Variants in SULT6B1 observed in about 807,000 individuals in gnomAD.
SULT6B1 encodes sulfotransferase 6B1.
In SULT6B1, 44 loss-of-function variants were observed where a neutral mutation model predicts 37.2. The ratio of observed to expected loss-of-function variants is 1.18; its 90% CI spans 0.93 to 1.52. The LOEUF is 1.52. SULT6B1 is among the 40% of genes most tolerant of loss of function. The pLI is 0.00. For missense variants in SULT6B1, 450 were observed against 361.0 expected (o/e 1.25, Z -2.00); for synonymous variants, 140 against 126.0 (o/e 1.11, Z -0.74).
chr2:37,174,227 C>CTTT (rs35100458), intron 5 of SULT6B1, among the ~76,000 whole-genome samples: 108 of 58,366 alleles, frequency 1.9e-3, no homozygotes, highest in East Asian at 3.5e-3. Flanking sequence ...TCTTCCTATT[C>CTTT]TTTTTTTTTT....
chr2:37,183,146 CTAAA>C (rs1407675417), intron 3 of SULT6B1, among the ~76,000 whole-genome samples: 1 of 152,148 alleles, frequency 6.6e-6, no homozygotes, highest in African/African-American at 2.4e-5. Context: ...ATGAAACACT[CTAAA>C]TATTCTATCA....
At chr2:37,174,112 T>C (rs1676362612) in intron 5 of SULT6B1, among the ~76,000 whole-genome samples, 1 of 152,074 alleles carries the variant, frequency 6.6e-6, no homozygotes, top group Admixed American at 6.6e-5. Context: ...CTCCAGTTGA[T>C]TCCCTCTGCC....
At chr2:37,196,061 T>C (rs1054025812) in intron 1 of SULT6B1, 1 of 152,206 alleles carries the variant, frequency 6.6e-6, no homozygotes, top group East Asian at 1.9e-4. Flanking sequence ...TCTCCTGATG[T>C]CGTGATCCTC....
upstream of SULT6B1, chr2:37,191,193 A>T (rs1480723207): frequency 6.8e-6 from 1 of 148,002 alleles, no homozygotes; most frequent in African/African-American, 2.5e-5. Context: ...AATTGTTAGT[A>T]CCAGTGAATT....
chr2:37,192,744 TG>T (rs1213037153), upstream of SULT6B1, among the ~76,000 whole-genome samples: 1 of 152,228 alleles, frequency 6.6e-6, no homozygotes, highest in Non-Finnish European at 1.5e-5. Flanking sequence ...TGCTTCTTAG[TG>T]AGTAAAAAAC....
At chr2:37,176,605 A>T (rs925638625) in intron 4 of SULT6B1, among the ~76,000 whole-genome samples, 3 of 152,084 alleles carry the variant, frequency 2.0e-5, no homozygotes, top group Non-Finnish European at 4.4e-5. Flanking sequence ...TATTATCATG[A>T]TCATTGTTAT....
upstream of SULT6B1, among the ~76,000 whole-genome samples, chr2:37,193,305 A>AAG (rs1413224851): frequency 1.3e-5 from 2 of 150,788 alleles, no homozygotes; most frequent in East Asian, 2.0e-4. Flanking sequence ...AAAAAAAAAA[A>AAG]AAAAAAAATT....
At position 37,175,230 on chromosome 2, in the gene SULT6B1, A is replaced by G. The variant is rs11569758; in HGVS notation, c.530-4T>C. ...TCAAAATACCTTCCCCAAGAAACTA[A>G]AAACACAGGGGGGAAGACTTTAAGA... On this transcript the variant is annotated splice_polypyrimidine_tract_variant and splice_region_variant and intron_variant, in intron 4 of 6. Transcript: ENST00000535679. The G allele has an allele frequency of 0.33, 509,752 of 1,547,880 alleles. 87,725 individuals carry two copies. The highest frequency in any genetic ancestry group is 0.35 in the Non-Finnish European group (402,607 of 1,137,916).
chr2:37,183,661 T>A lies in SULT6B1; in HGVS notation c.313-147A>T, dbSNP rs969868749. On this transcript the variant is annotated intron_variant, in intron 2 of 6. Coordinates refer to ENST00000535679, the MANE Select transcript of SULT6B1 (RefSeq NM_001367551.1). ...TCCTCCTCCTCCAATTTTTCTTTTT[T>A]GAAACAGAGTCTCACTCTGTCGCCC... 4.8e-6 allele frequency: 3 copies of A among 624,252 alleles called. No individual in the cohort carries two copies. The African/African-American group carries it at 5.5e-5, about 11-fold the overall frequency. The allele number at this position is 624,252 out of a possible 1,614,324, so 38.7% of individuals were successfully genotyped here. A position where few individuals can be genotyped will look rare whatever the true frequency, so the allele number is the denominator to read the frequency against.
intron 2 of SULT6B1, 67 bp downstream of exon 2, chr2:37,187,288 A>T: frequency 7.4e-6 from 8 of 1,085,840 alleles, no homozygotes; most frequent in South Asian, 1.4e-5. Flanking sequence ...AAAACTAAAG[A>T]ATCTCCAAAC....
chr2:37,179,511 A>G lies in SULT6B1; in HGVS notation c.476T>C (p.Ile159Thr), dbSNP rs761761856. The G allele has an allele frequency of 1.2e-6, 2 of 1,614,096 alleles. No homozygotes were observed. The highest frequency in any genetic ancestry group is 1.7e-6 in the Non-Finnish European group (2 of 1,180,000). Residue 159 changes from isoleucine to threonine, a missense_variant, in exon 4 of 7, where the codon ATT (isoleucine) becomes ACT (threonine). Physicochemically the swap from Ile to Thr is moderately conservative, Grantham distance 89. Coordinates refer to ENST00000535679, the MANE Select transcript of SULT6B1 (RefSeq NM_001367551.1). ...FLHFHNDVPD[I>T]PSYGSWDEFF... is the part of the protein sequence containing the mutation. ...TTCATCCCAAGAGCCATAGCTTGGA[A>G]TATCGGGGACATCGTTGTGGAAATG...
At chr2:37,193,655 A>AAGAAGAAGG (rs1676834134), upstream of SULT6B1, among the ~76,000 whole-genome samples, 1 of 149,416 alleles carries the variant, frequency 6.7e-6, no homozygotes, top group Non-Finnish European at 1.5e-5. Context: ...GAAGAAGGAG[A>AAGAAGAAGG]AGAAGGAGAA....
intron 3 of SULT6B1, among the ~76,000 whole-genome samples, chr2:37,181,756 A>G (rs1298585168): frequency 1.3e-5 from 2 of 152,208 alleles, no homozygotes; most frequent in African/African-American, 4.8e-5. Context: ...CCCCAAGTCC[A>G]ACGCTTTATA....
intron 3 of SULT6B1, among the ~76,000 whole-genome samples, chr2:37,183,126 T>TTGTG (rs1676592494): frequency 6.6e-6 from 1 of 152,248 alleles, no homozygotes; most frequent in African/African-American, 2.4e-5. Flanking sequence ...ATTGTATTTT[T>TTGTG]TGTGTGTGCA....
At chr2:37,171,620 T>A (rs769367774) in intron 5 of SULT6B1, 30 bp from the exon 6 acceptor site, 1 of 1,604,876 alleles carries the variant, frequency 6.2e-7, no homozygotes, top group Non-Finnish European at 8.5e-7. Flanking sequence ...AAGATAAATT[T>A]CTTCCTATGG....
chr2:37,194,482 C>A, intron 1 of SULT6B1: 1 of 413,156 alleles, frequency 2.4e-6, no homozygotes. Flanking sequence ...TGGACAGCTG[C>A]ACGCGGATAC....
chr2:37,183,938 C>G (rs1406390618), intron 2 of SULT6B1, among the ~76,000 whole-genome samples: 1 of 152,134 alleles, frequency 6.6e-6, no homozygotes, highest in East Asian at 1.9e-4. Context: ...GCCACTGCAC[C>G]CGGCCAATTT....
chr2:37,175,315 C>T, intron 4 of SULT6B1, 89 bp from the exon 5 acceptor site: 1 of 627,724 alleles, frequency 1.6e-6, no homozygotes, highest in Non-Finnish European at 2.6e-6. Flanking sequence ...ATAAACTATA[C>T]ATATGTGTAT....
chr2:37,192,880 C>G (rs952003940), upstream of SULT6B1, among the ~76,000 whole-genome samples: 4 of 152,150 alleles, frequency 2.6e-5, no homozygotes, highest in African/African-American at 9.7e-5. Context: ...TTAGGTCAAC[C>G]TGTTAACCTT....
Sources: allele counts gnomAD v4.1 joint callset (sites outside exome capture counted in the v4.1 genomes callset), GRCh38; gene constraint gnomAD v4.1.1; transcripts MANE v1.5; gene names NCBI Gene and HGNC (gene_info 2026-07-23, HGNC 2026-07-21).